Variants in E4F1 observed in about 807,000 individuals in gnomAD.
E4F1 encodes transcription factor E4F1.
E4F1 carries 30 observed loss-of-function variants against 72.9 expected under a neutral mutation model. That is an observed-to-expected ratio of 0.41 (90% confidence interval 0.31 to 0.56). The LOEUF (loss-of-function observed/expected upper bound fraction) is 0.56. Among genes scored for constraint, E4F1 ranks in the 20% least tolerant of loss-of-function variants. The probability of loss-of-function intolerance (pLI) is 0.25; values close to 1 mark genes in which losing one functional copy is unlikely to be tolerated. For synonymous variants in E4F1, 542 were observed against 478.2 expected, an observed-to-expected ratio of 1.13 and a Z score of -1.74; for missense variants, 1,091 against 1,117.5, an observed-to-expected ratio of 0.98 and a Z score of 0.34.
chr16:2,234,541 T>G (rs1352472930), intron 10 of E4F1, 42 bp from the exon 11 acceptor site: 1 of 1,556,698 alleles, frequency 6.4e-7, no homozygotes, highest in African/African-American at 1.4e-5. Context: ...CTGTAGTCTG[T>G]TGTGGCCAAG....
rs1426777589 is a variant in E4F1 at position 2,232,052 on chromosome 16, G to A, written c.416-119G>A. The A allele has an allele frequency of 3.8e-6, 5 of 1,306,518 alleles. No individual in the cohort carries two copies. The East Asian group carries it at 6.9e-5, about 18-fold the overall frequency. The allele number at this position is 1,306,518 out of a possible 1,614,324, so 80.9% of individuals were successfully genotyped here. On this transcript the variant is annotated intron_variant, in intron 3 of 13. Coordinates refer to ENST00000301727, the MANE Select transcript of E4F1 (RefSeq NM_004424.5). ...CTCGGACCTGTGTGTTGAGGGCTCA[G>A]TGCAGGTTGGGTCCAGGGTGTGGCT...
At chr16:2,226,915 C>T (rs1448577871) in intron 1 of E4F1, among the ~76,000 whole-genome samples, 2 of 152,258 alleles carry the variant, frequency 1.3e-5, no homozygotes, top group African/African-American at 4.8e-5. Context: ...CAGCTCCCTG[C>T]ATTTGCCTCT....
intron 3 of E4F1, chr16:2,230,759 A>T (rs925613582): frequency 2.0e-5 from 3 of 150,144 alleles, no homozygotes; most frequent in Non-Finnish European, 3.0e-5. Flanking sequence ...CATTCCTGCG[A>T]CCAAGACACT....
At chr16:2,229,798 G>T in intron 3 of E4F1, 123 bp downstream of exon 3, 1 of 1,052,128 alleles carries the variant, frequency 9.5e-7, no homozygotes, top group Non-Finnish European at 1.4e-6. Context: ...AGGGGCCGCG[G>T]CCTCGTGGCA....
chr16:2,234,877 TGGA>T lies in E4F1; in HGVS notation c.1816_1818del (p.Glu606del). On this transcript the variant is annotated inframe_deletion, in exon 12 of 14. Transcript: ENST00000301727. ...CCCACAGGGGGCTGCCTGCTGGAGG[TGGA>T]GGAGTTGCTGGTGTCTGAGGACAGC... The T allele has an allele frequency of 6.5e-7, 1 of 1,549,362 alleles. No homozygotes were observed. Among genetic ancestry groups the T allele is most frequent in the Non-Finnish European group, 8.7e-7 (1 of 1,146,906 alleles).
chr16:2,234,458 A>T, intron 10 of E4F1, 70 bp downstream of exon 10: 12 of 1,584,922 alleles, frequency 7.6e-6, no homozygotes, highest in Non-Finnish European at 1.0e-5. Flanking sequence ...GCCCAGGTGC[A>T]CCCCCTTCCC....
chr16:2,235,132 A>C lies in E4F1; in HGVS notation c.1987A>C (p.Thr663Pro). The C allele has an allele frequency of 1.2e-6, 2 of 1,611,488 alleles. No homozygotes were observed. The highest frequency in any genetic ancestry group is 1.7e-6 in the Non-Finnish European group (2 of 1,179,776). Residue 663 changes from threonine (T) to proline (P), a missense_variant, in exon 13 of 14, where the codon ACC becomes CCC. Around this residue, in one of 5 missense-constraint regions of E4F1, gnomAD observed 622 missense variants for 628.0 expected, o/e 0.99. Transcript: ENST00000301727. ...TSEATEIIEG[T>P]QTEVDSHIMK... ...TGAGGCCACGGAGATCATCGAGGGCACCCAGACAGAGGTGAGGGGTAGGGC... is the reference window on the plus strand; with the variant it reads ...TGAGGCCACGGAGATCATCGAGGGCCCCCAGACAGAGGTGAGGGGTAGGGC...
chr16:2,227,192 G>A (rs1209173947), intron 1 of E4F1, among the ~76,000 whole-genome samples: 4 of 151,898 alleles, frequency 2.6e-5, no homozygotes, highest in African/African-American at 4.8e-5. Context: ...ACACTTCCAC[G>A]CTTGGCTAAA....
At position 2,233,469 on chromosome 16, in the gene E4F1, G is replaced by C; in HGVS notation, c.1088G>C (p.Ser363Thr). The C allele has an allele frequency of 6.6e-7, 1 of 1,506,158 alleles. No homozygotes were observed. The highest frequency in any genetic ancestry group is 1.8e-4 in the Middle Eastern group (1 of 5,520). 93.3% of individuals were successfully genotyped at this position (1,506,158 alleles called of 1,614,324 possible). A position where few individuals can be genotyped will look rare whatever the true frequency, so the allele number is the denominator to read the frequency against. The change falls in exon 8 of 14, where the codon AGC (serine) becomes ACC (threonine). Residue 363 changes from serine (S) to threonine (T), a missense_variant. By Grantham distance (58) the Ser-to-Thr change is moderately conservative. Transcript: ENST00000301727. ...PPVSQELPCS[S>T]EGSRENLLHQ... is the part of the protein sequence containing the mutation. The stretch of plus-strand genomic sequence containing the variant: ...GTCTCCCAGGAGCTCCCCTGCTCCA[G>C]CGAGGGCAGCCGTGAGAACCTGCTG...
At position 2,232,370 on chromosome 16, in the gene E4F1, C is replaced by A. The variant is rs370199008; in HGVS notation, c.609+6C>A. On this transcript the variant is annotated splice_donor_region_variant and intron_variant, in intron 4 of 13. Transcript: ENST00000301727. ...GCCACAAGACCTTCAAGACGGTGAG[C>A]CGGCGTGCGGGGAGCCAGTGTGTGG... The A allele has an allele frequency of 6.9e-6, 11 of 1,599,828 alleles. No individual in the cohort carries two copies. Among genetic ancestry groups the A allele is most frequent in the Non-Finnish European group, 5.1e-6 (6 of 1,171,414 alleles).
intron 1 of E4F1, among the ~76,000 whole-genome samples, chr16:2,224,908 A>G (rs1047372378): frequency 1.3e-5 from 2 of 151,620 alleles, no homozygotes; most frequent in Non-Finnish European, 1.5e-5. Flanking sequence ...TAGAAGCATC[A>G]TGGGAATTAA....
Position 2,235,712 on chromosome 16 carries a change from G to A in E4F1, c.*140G>A, listed in dbSNP as rs946142072. 36 of 716,216 alleles carry A rather than the reference G, an allele frequency of 5.0e-5. 1 individual carries two copies. In the Admixed American group the frequency reaches 1.1e-3, roughly 22 times the overall value. 44.4% of individuals were successfully genotyped at this position (716,216 alleles called of 1,614,324 possible). On this transcript the variant is annotated 3_prime_UTR_variant, in exon 14 of 14. Transcript: ENST00000301727. ...CGGACAGTGTACATAAGAGTTTCTT[G>A]TTGCTTTACAATAAAACATGAGAAC...
At position 2,234,078 on chromosome 16, in the gene E4F1, A is replaced by G; in HGVS notation, c.1375+88A>G. On this transcript the variant is annotated intron_variant, in intron 9 of 13. Transcript: ENST00000301727. ...CTGGGTGTCCAGGGTGGGTCCATAG[A>G]CAGCAGGGAGCCAGGGGATCTGTGG... is the stretch of plus-strand genomic sequence containing the variant. 2.6e-6 allele frequency: 4 copies of G among 1,550,058 alleles called. 1 individual carries two copies. The South Asian group carries it at 4.8e-5, about 18-fold the overall frequency.
In E4F1 at chr16:2,223,777, G is replaced by C. The variant is rs776389027; in HGVS notation, c.157+7G>C. On this transcript the variant is annotated splice_region_variant and intron_variant, in intron 1 of 13. Transcript: ENST00000301727. ...GCGCCCTTCAGCGAGGAAGGTAACC[G>C]GGCCGACCCGGAGGGTGCGGCCGGG... 3 of 1,535,214 alleles carry C rather than the reference G, an allele frequency of 2.0e-6. No homozygotes were observed. The highest frequency in any genetic ancestry group is 1.7e-6 in the Non-Finnish European group (2 of 1,151,246).
rs536516786 is a variant in E4F1 at position 2,235,730 on chromosome 16, A to G, written c.*158A>G. 39 of 657,398 alleles carry G rather than the reference A, an allele frequency of 5.9e-5. No individual in the cohort carries two copies. The highest frequency in any genetic ancestry group is 5.7e-4 in the South Asian group (26 of 45,876). The allele number at this position is 657,398 out of a possible 1,614,324, so 40.7% of individuals were successfully genotyped here. A position where few individuals can be genotyped will look rare whatever the true frequency, so the allele number is the denominator to read the frequency against. The stretch of plus-strand genomic sequence containing the variant: ...GTTTCTTGTTGCTTTACAATAAAAC[A>G]TGAGAACCTGCAGCTTGTGATGTTG... On this transcript the variant is annotated 3_prime_UTR_variant, in exon 14 of 14. Transcript: ENST00000301727.
At chr16:2,224,577 C>T (rs2093420247) in intron 1 of E4F1, among the ~76,000 whole-genome samples, 1 of 151,314 alleles carries the variant, frequency 6.6e-6, no homozygotes, top group Non-Finnish European at 1.5e-5. Context: ...GTCACGAGGT[C>T]AGGAGATGGA....
At chr16:2,226,484 G>A (rs563650627) in intron 1 of E4F1, among the ~76,000 whole-genome samples, 2 of 152,318 alleles carry the variant, frequency 1.3e-5, no homozygotes, top group South Asian at 4.1e-4. Flanking sequence ...CCCTGCAGGC[G>A]AGTCATAGCT....
intron 1 of E4F1, among the ~76,000 whole-genome samples, chr16:2,225,970 G>A (rs2093430051): frequency 6.6e-6 from 1 of 152,078 alleles, no homozygotes; most frequent in African/African-American, 2.4e-5. Context: ...GCAGGCGCCT[G>A]TAGTCACAGC....
At chr16:2,228,623 C>G in intron 2 of E4F1, 100 bp downstream of exon 2, 1 of 1,437,072 alleles carries the variant, frequency 7.0e-7, no homozygotes, top group Non-Finnish European at 9.4e-7. Context: ...GTTCCGGGGG[C>G]CACGTGGGCG....
Sources: allele counts gnomAD v4.1 joint callset (sites outside exome capture counted in the v4.1 genomes callset), GRCh38; gene constraint gnomAD v4.1.1; regional missense constraint gnomAD v4.1.1; transcripts MANE v1.5; gene names NCBI Gene and HGNC (gene_info 2026-07-23, HGNC 2026-07-21).